The following KAZN variants were observed in gnomAD, a reference collection of about 807,000 sequenced individuals.
KAZN encodes kazrin, periplakin interacting protein.
In KAZN, 40 loss-of-function variants were observed where a neutral mutation model predicts 87.4. The ratio of observed to expected loss-of-function variants is 0.46; its 90% confidence interval spans 0.36 to 0.60. The LOEUF is 0.60. Ranked by LOEUF, KAZN falls within the 20% of genes least tolerant of loss-of-function variation. The probability of loss-of-function intolerance (pLI) is 0.00; values close to 1 mark genes in which losing one functional copy is unlikely to be tolerated. For synonymous variants in KAZN, 466 were observed against 458.3 expected (o/e 1.02, Z -0.22); for missense variants, 898 against 1,073.9 (o/e 0.84, Z 2.29).
At chr1:14,373,302 C>G (rs1660655602) in intron 2 of KAZN, among the ~76,000 whole-genome samples, 1 of 152,004 alleles carries the variant, frequency 6.6e-6, no homozygotes, top group South Asian at 2.1e-4. Flanking sequence ...TGTCTGCAAT[C>G]TGGAGACCCA....
intron 2 of KAZN, among the ~76,000 whole-genome samples, chr1:14,577,594 T>G (rs1295087018): frequency 6.6e-6 from 1 of 152,158 alleles, no homozygotes; most frequent in African/African-American, 2.4e-5. Flanking sequence ...GAACCAGCCC[T>G]TCAGCTGCTA....
At chr1:14,989,535 G>T (rs569204074) in intron 2 of KAZN, among the ~76,000 whole-genome samples, 1 of 152,200 alleles carries the variant, frequency 6.6e-6, no homozygotes, top group African/African-American at 2.4e-5. Context: ...ACCTTCTGTC[G>T]TCCTTGATGG....
At chr1:14,440,611 T>C (rs1666645018) in intron 2 of KAZN, among the ~76,000 whole-genome samples, 1 of 152,206 alleles carries the variant, frequency 6.6e-6, no homozygotes, top group Non-Finnish European at 1.5e-5. Context: ...TGCTTAGAAC[T>C]GGCTACATAA....
chr1:14,883,308 GAAAGAAAGAA>G (rs1254599439), intron 1 of KAZN, among the ~76,000 whole-genome samples: 765 of 48,466 alleles, frequency 0.016, 12 homozygotes, highest in South Asian at 0.022. Flanking sequence ...AAGAAAGAAA[GAAAGAAAGAA>G]AGAGAGAGAG....
At chr1:14,819,243 C>G (rs770331875) in intron 1 of KAZN, among the ~76,000 whole-genome samples, 9 of 152,116 alleles carry the variant, frequency 5.9e-5, no homozygotes, top group Non-Finnish European at 1.0e-4. Context: ...TGTCAGGGGG[C>G]CTGACAGGAT....
At chr1:14,373,423 G>T (rs1032669623) in intron 2 of KAZN, among the ~76,000 whole-genome samples, 1 of 152,160 alleles carries the variant, frequency 6.6e-6, no homozygotes, top group Non-Finnish European at 1.5e-5. Flanking sequence ...CCCAACTCAA[G>T]TCAGGCAGAG....
chr1:15,029,704 G>A (rs1206782140), intron 2 of KAZN, among the ~76,000 whole-genome samples: 1 of 152,228 alleles, frequency 6.6e-6, no homozygotes, highest in African/African-American at 2.4e-5. Flanking sequence ...AGAGTCTGGA[G>A]TTTGGTTCTC....
At chr1:14,783,889 T>C (rs1383524601) in intron 1 of KAZN, among the ~76,000 whole-genome samples, 1 of 152,002 alleles carries the variant, frequency 6.6e-6, no homozygotes, top group Non-Finnish European at 1.5e-5. Flanking sequence ...CTGCGATGAA[T>C]AGAGGTTATG....
chr1:14,958,257 G>T (rs2101753933), intron 1 of KAZN, among the ~76,000 whole-genome samples: 1 of 152,308 alleles, frequency 6.6e-6, no homozygotes, highest in Non-Finnish European at 1.5e-5. Context: ...ACCAATATTG[G>T]ACCTTCTCTG....
At chr1:14,009,480 T>G (rs1474742315) in intron 1 of KAZN, among the ~76,000 whole-genome samples, 1 of 152,248 alleles carries the variant, frequency 6.6e-6, no homozygotes, top group Non-Finnish European at 1.5e-5. Flanking sequence ...AACACTTGTT[T>G]TCTGTTTTTC....
At chr1:14,266,782 G>A (rs1025643703) in intron 2 of KAZN, among the ~76,000 whole-genome samples, 1 of 152,172 alleles carries the variant, frequency 6.6e-6, no homozygotes, top group African/African-American at 2.4e-5. Flanking sequence ...GGATGTGGGA[G>A]GAAACCGGAG....
intron 2 of KAZN, among the ~76,000 whole-genome samples, chr1:14,506,000 G>A (rs1013056273): frequency 5.3e-5 from 8 of 152,122 alleles, no homozygotes; most frequent in African/African-American, 1.9e-4. Flanking sequence ...GAGGTGAATG[G>A]TGGTGATGGT....
chr1:14,085,218 C>G (rs568382739), intron 1 of KAZN, among the ~76,000 whole-genome samples: 2 of 152,286 alleles, frequency 1.3e-5, no homozygotes, highest in Admixed American at 1.3e-4. Flanking sequence ...AATTAGGTAA[C>G]TCTTAGCTAA....
At chr1:14,653,358 A>T (rs1638569201) in intron 1 of KAZN, among the ~76,000 whole-genome samples, 1 of 152,222 alleles carries the variant, frequency 6.6e-6, no homozygotes, top group Non-Finnish European at 1.5e-5. Flanking sequence ...TGGCAAGGGT[A>T]GCAATAAGTG....
intron 2 of KAZN, among the ~76,000 whole-genome samples, chr1:14,406,965 G>A (rs75240009): frequency 0.014 from 2,068 of 152,236 alleles, 50 homozygotes; most frequent in African/African-American, 0.048. Context: ...AGACTTAGCA[G>A]GCACTCGATA....
At chr1:14,229,059 G>A (rs1557577518) in intron 2 of KAZN, among the ~76,000 whole-genome samples, 1 of 152,208 alleles carries the variant, frequency 6.6e-6, no homozygotes, top group Non-Finnish European at 1.5e-5. Flanking sequence ...ATGCTTCTGT[G>A]TATCTACTAA....
chr1:14,710,857 A>T (rs1447832223), intron 1 of KAZN, among the ~76,000 whole-genome samples: 5 of 152,186 alleles, frequency 3.3e-5, no homozygotes, highest in Non-Finnish European at 5.9e-5. Context: ...GACTGGGAAC[A>T]GTGCCTGGCA....
chr1:15,046,276 C>T (rs1183368042), intron 4 of KAZN, among the ~76,000 whole-genome samples: 1 of 132,746 alleles, frequency 7.5e-6, no homozygotes, highest in East Asian at 2.2e-4. Flanking sequence ...CCAGCCTGGG[C>T]AACAGAGCAA....
intron 2 of KAZN, among the ~76,000 whole-genome samples, chr1:14,433,454 C>T (rs4661287): frequency 0.99 from 150,555 of 152,354 alleles, 74,393 homozygotes; most frequent in East Asian, 1. Flanking sequence ...CCAAAATGCA[C>T]GTGTTGAAGC....
Sources: allele counts gnomAD v4.1 joint callset (sites outside exome capture counted in the v4.1 genomes callset), GRCh38; gene constraint gnomAD v4.1.1; transcripts MANE v1.5; gene names NCBI Gene and HGNC (gene_info 2026-07-23, HGNC 2026-07-21).